The following NEDD1 variants were observed in gnomAD, a reference collection of about 807,000 sequenced individuals.
The protein encoded by NEDD1 is NEDD1 gamma-tubulin ring complex targeting factor.
A neutral mutation model predicts 74.0 loss-of-function variants in NEDD1; 33 were observed. That is an observed-to-expected ratio of 0.45 (90% CI 0.34 to 0.60). The LOEUF (loss-of-function observed/expected upper bound fraction) is 0.60, where lower values mean the gene tolerates loss of function less well. Among genes scored for constraint, NEDD1 ranks in the 20% least tolerant of loss-of-function variants. The pLI is 0.01. For missense variants in NEDD1, 746 were observed against 776.5 expected (o/e 0.96, Z 0.47); for synonymous variants, 250 against 264.4 (o/e 0.95, Z 0.53).
Position 96,938,322 on chromosome 12 carries a change from C to T in NEDD1, c.1117+929C>T, listed in dbSNP as rs889680841. ...GTTCTTATTTAGGAACTCCTGGAGACAAAGACAACTGATATCTACTTAAGG... is the reference window on the plus strand; with the variant it reads ...GTTCTTATTTAGGAACTCCTGGAGATAAAGACAACTGATATCTACTTAAGG... On this transcript the variant is annotated intron_variant, in intron 9 of 15. Transcript: ENST00000266742. Among the ~76,000 whole-genome samples, 12 of 151,802 alleles carry T rather than the reference C, an allele frequency of 7.9e-5. 1 individual carries two copies. Among genetic ancestry groups the T allele is most frequent in the Admixed American group, 4.6e-4 (7 of 15,202 alleles).
At chr12:96,915,941 A>T (rs1874393397) in intron 4 of NEDD1, among the ~76,000 whole-genome samples, 1 of 152,214 alleles carries the variant, frequency 6.6e-6, no homozygotes, top group Non-Finnish European at 1.5e-5. Flanking sequence ...TTAGGTAGCC[A>T]ATGGAGGTCC....
chr12:96,940,955 T>G (rs1396087054), intron 10 of NEDD1, among the ~76,000 whole-genome samples: 8 of 152,054 alleles, frequency 5.3e-5, no homozygotes, highest in Admixed American at 3.9e-4. Context: ...AAAGTTGGCA[T>G]AATAAAAAGC....
At chr12:96,922,462 A>G (rs1424615578) in intron 6 of NEDD1, among the ~76,000 whole-genome samples, 1 of 152,162 alleles carries the variant, frequency 6.6e-6, no homozygotes, top group Admixed American at 6.5e-5. Flanking sequence ...ACTTTTCAAT[A>G]CCATAAAAAT....
chr12:96,924,211 C>T (rs1047048961), intron 6 of NEDD1, among the ~76,000 whole-genome samples: 9 of 152,114 alleles, frequency 5.9e-5, no homozygotes, highest in Admixed American at 1.3e-4. Flanking sequence ...TATTTTGTTC[C>T]GTTGGTCTAG....
chr12:96,922,853 A>G (rs1386305365), intron 6 of NEDD1, among the ~76,000 whole-genome samples: 1 of 152,140 alleles, frequency 6.6e-6, no homozygotes, highest in African/African-American at 2.4e-5. Flanking sequence ...CGCGGTGGCT[A>G]CCTGTAATCT....
chr12:96,939,978 G>A (rs1877501003), intron 9 of NEDD1, among the ~76,000 whole-genome samples: 1 of 151,880 alleles, frequency 6.6e-6, no homozygotes, highest in Admixed American at 6.6e-5. Flanking sequence ...TGTATGTTAG[G>A]CATCGCTCTA....
chr12:96,909,742 CTATT>C lies in NEDD1; in HGVS notation c.-8-8_-8-5del, dbSNP rs113472978. The C allele has an allele frequency of 2.7e-5, 44 of 1,600,558 alleles. No homozygotes were observed. The African/African-American group carries it at 4.6e-4, about 17-fold the overall frequency. ...TGTTTTTAAAATACATTGTTTTAAACTATTTGTAGGCGCAGTCATGCAGGAAAAC... is the reference window on the plus strand; with the variant it reads ...TGTTTTTAAAATACATTGTTTTAAACTGTAGGCGCAGTCATGCAGGAAAAC... On this transcript the variant is annotated splice_polypyrimidine_tract_variant and splice_region_variant and intron_variant, in intron 2 of 15. Coordinates refer to ENST00000266742, the MANE Select transcript of NEDD1 (RefSeq NM_152905.4).
Position 96,940,439 on chromosome 12 carries a change from T to G in NEDD1, c.1148T>G (p.Leu383Ter). 1 of 1,601,180 alleles carries G rather than the reference T, an allele frequency of 6.2e-7. No homozygotes were observed. Among genetic ancestry groups the G allele is most frequent in the African/African-American group, 1.3e-5 (1 of 74,698 alleles). Residue 383 changes from leucine to a stop codon, truncating the protein, a stop_gained, in exon 10 of 16, where the codon TTA (leucine) becomes TGA (stop). Coordinates refer to ENST00000266742, the MANE Select transcript of NEDD1 (RefSeq NM_152905.4). LOFTEE classifies it high-confidence loss of function. ...CCTCGAAGCATAAACACAGACACTT[T>G]ATCTAAGGAAACAGACAGTGGAAAA... is the stretch of plus-strand genomic sequence containing the variant. ...GLPRSINTDTLSKETDSGKNQ... is the reference protein window; with the variant it reads ...GLPRSINTDT
chr12:96,907,784 G>C lies in NEDD1; in HGVS notation c.-81G>C. ...TTACCGCCTTGTGTCCTGACTGCTA[G>C]CTTTCGACGGGACCGTCTTTGAGGG... On this transcript the variant is annotated 5_prime_UTR_variant, in exon 2 of 16. Transcript: ENST00000266742. 1 of 1,506,022 alleles carries C rather than the reference G, an allele frequency of 6.6e-7. No individual in the cohort carries two copies. Among genetic ancestry groups the C allele is most frequent in the South Asian group, 1.3e-5 (1 of 78,430 alleles). 93.3% of individuals were successfully genotyped at this position (1,506,022 alleles called of 1,614,324 possible). A position where few individuals can be genotyped will look rare whatever the true frequency, so the allele number is the denominator to read the frequency against.
At chr12:96,910,052 C>T (rs1242605546) in intron 3 of NEDD1, among the ~76,000 whole-genome samples, 157 bp downstream of exon 3, 1 of 152,034 alleles carries the variant, frequency 6.6e-6, no homozygotes, top group Non-Finnish European at 1.5e-5. Flanking sequence ...ATTTACAAAA[C>T]AATATATCAT....
chr12:96,936,887 CAATT>C, intron 8 of NEDD1, 75 bp downstream of exon 8: 1 of 871,998 alleles, frequency 1.1e-6, no homozygotes, highest in Non-Finnish European at 1.8e-6. Context: ...TATATGTGGT[CAATT>C]AAACAGTATA....
intron 6 of NEDD1, among the ~76,000 whole-genome samples, chr12:96,926,774 C>G (rs887568635): frequency 2.6e-5 from 4 of 152,058 alleles, no homozygotes; most frequent in South Asian, 4.1e-4. Context: ...AGGCAGATCA[C>G]TTGAGCCCAG....
chr12:96,936,636 A>G lies in NEDD1; in HGVS notation c.745A>G (p.Thr249Ala), dbSNP rs763065844. The G allele has an allele frequency of 3.7e-6, 6 of 1,613,518 alleles. No homozygotes were observed. Among genetic ancestry groups the G allele is most frequent in the African/African-American group, 2.7e-5 (2 of 74,970 alleles). Reference protein sequence around the residue: ...KKLVKTLVADTPLTAVDFMPD... With the variant: ...KKLVKTLVADAPLTAVDFMPD... ...GCTAGTGAAAACTTTAGTGGCTGAC[A>G]CTCCTCTAACTGCGGTAGATTTCAT... Residue 249 changes from threonine to alanine, a missense_variant, in exon 8 of 16, where the codon ACT becomes GCT. Transcript: ENST00000266742.
intron 6 of NEDD1, among the ~76,000 whole-genome samples, chr12:96,924,101 G>A (rs1390859463): frequency 2.0e-5 from 3 of 152,164 alleles, no homozygotes; most frequent in South Asian, 2.1e-4. Flanking sequence ...ATATCTAATT[G>A]TACCAATGTT....
chr12:96,914,084 C>T (rs1484317215), intron 4 of NEDD1, among the ~76,000 whole-genome samples: 2 of 152,170 alleles, frequency 1.3e-5, no homozygotes, highest in African/African-American at 4.8e-5. Context: ...GTTTGAGGCA[C>T]TCTGTTTAAC....
At chr12:96,919,838 T>C in intron 5 of NEDD1, 147 bp from the exon 6 acceptor site, 1 of 507,610 alleles carries the variant, frequency 2.0e-6, no homozygotes, top group Non-Finnish European at 3.4e-6. Context: ...TTTATCATTA[T>C]TGAAAATAAT....
chr12:96,943,500 T>C, intron 11 of NEDD1, 60 bp from the exon 12 acceptor site: 1 of 1,147,644 alleles, frequency 8.7e-7, no homozygotes, highest in South Asian at 1.3e-5. Flanking sequence ...GTTAAATGCT[T>C]TTCTTCAATG....
intron 6 of NEDD1, among the ~76,000 whole-genome samples, chr12:96,928,842 A>G (rs1876023454): frequency 6.6e-6 from 1 of 151,562 alleles, no homozygotes; most frequent in African/African-American, 2.4e-5. Context: ...GCCTGCTACC[A>G]CGCCTGGCTA....
intron 4 of NEDD1, among the ~76,000 whole-genome samples, chr12:96,915,178 G>A (rs1461289101): frequency 1.3e-5 from 2 of 152,120 alleles, no homozygotes; most frequent in African/African-American, 2.4e-5. Context: ...TATGTTAGTT[G>A]ATACTCTTGG....
Sources: gnomAD v4.1 joint callset for allele counts (sites outside exome capture counted in the v4.1 genomes callset) on GRCh38, gnomAD v4.1.1 for gene constraint, MANE v1.5 for transcripts, NCBI Gene and HGNC (gene_info 2026-07-23, HGNC 2026-07-21) for gene names.